The following PARD3B variants were observed in gnomAD, a reference collection of about 807,000 sequenced individuals.
PARD3B encodes the protein par-3 family cell polarity regulator beta, also known as partitioning defective 3 homolog B.
A neutral mutation model predicts 130.2 loss-of-function variants in PARD3B; 103 were observed. The observed-to-expected ratio is 0.79, with a 90% CI of 0.67 to 0.93. The LOEUF (loss-of-function observed/expected upper bound fraction) is 0.93, where lower values mean the gene tolerates loss of function less well. PARD3B is among the 40% of genes least tolerant of loss of function. The pLI is 0.00. For synonymous variants in PARD3B, 583 were observed against 553.2 expected (o/e 1.05, Z -0.76); for missense variants, 1,609 against 1,499.2 (o/e 1.07, Z -1.21).
intron 2 of PARD3B, among the ~76,000 whole-genome samples, chr2:204,765,168 A>G (rs1299717436): frequency 6.6e-6 from 1 of 152,224 alleles, no homozygotes; most frequent in East Asian, 1.9e-4. Context: ...CATTTGTTTC[A>G]CTGAGCAGAT....
intron 2 of PARD3B, among the ~76,000 whole-genome samples, chr2:204,960,468 T>C (rs528497399): frequency 7.2e-5 from 11 of 152,144 alleles, no homozygotes; most frequent in Non-Finnish European, 1.5e-4. Context: ...GGCCATAATT[T>C]CCAAAGCCAA....
intron 3 of PARD3B, among the ~76,000 whole-genome samples, chr2:205,025,187 C>A (rs765658968): frequency 6.6e-6 from 1 of 152,132 alleles, no homozygotes. Flanking sequence ...GTTCAGTCTG[C>A]GGCACTTAGA....
At chr2:205,445,584 C>G (rs1193975805) in intron 20 of PARD3B, among the ~76,000 whole-genome samples, 2 of 152,094 alleles carry the variant, frequency 1.3e-5, no homozygotes, top group African/African-American at 4.8e-5. Context: ...AAAAACAGTA[C>G]CAGTGGGGAA....
intron 2 of PARD3B, among the ~76,000 whole-genome samples, chr2:204,924,191 A>AT (rs1425302929): frequency 6.6e-6 from 1 of 151,974 alleles, no homozygotes; most frequent in Non-Finnish European, 1.5e-5. Context: ...ATAAACATTA[A>AT]TCTGCAGGGA....
chr2:205,473,474 A>G lies in PARD3B; in HGVS notation c.3045-26422A>G, dbSNP rs2048909721. Among the ~76,000 whole-genome samples, 1 of 151,990 alleles carries G rather than the reference A, an allele frequency of 6.6e-6. No individual in the cohort carries two copies. Among genetic ancestry groups the G allele is most frequent in the Non-Finnish European group, 1.5e-5 (1 of 67,970 alleles). On this transcript the variant is annotated intron_variant, in intron 20 of 22. Coordinates refer to ENST00000406610, the MANE Select transcript of PARD3B (RefSeq NM_001302769.2). This position sits in a 1 kb window ranked among gnomAD's most constrained non-coding sequence, Gnocchi z 4.9. ...TTAAGCTCCATTAAAGGGTTTTACA[A>G]TACCAAATTGTTTATACACTGCTGG...
chr2:204,925,709 A>G (rs892564483), intron 2 of PARD3B, among the ~76,000 whole-genome samples: 1 of 152,072 alleles, frequency 6.6e-6, no homozygotes, highest in South Asian at 2.1e-4. Context: ...ATTATTGACT[A>G]AGCTTAAGCC....
chr2:205,030,722 A>T (rs575738551), intron 3 of PARD3B, among the ~76,000 whole-genome samples: 3 of 152,258 alleles, frequency 2.0e-5, no homozygotes, highest in Admixed American at 6.6e-5. Flanking sequence ...TGAAATCTGT[A>T]TTCTGAACAT....
rs1292004993 is a variant in PARD3B at position 205,105,880 on chromosome 2, A to G, written c.593+1366A>G. On this transcript the variant is annotated intron_variant, in intron 5 of 22. Transcript: ENST00000406610. The surrounding 1 kb of genome is among the most constrained non-coding windows in gnomAD (Gnocchi z 4.0). ...AGATTATCTAATTATGTCTACCTCC[A>G]GAAACTAATAAGATTGTTTCTGGAG... is the stretch of plus-strand genomic sequence containing the variant. 6.6e-6 allele frequency among the ~76,000 whole-genome samples: 1 copy of G among 151,940 alleles called. No individual in the cohort carries two copies. The highest frequency in any genetic ancestry group is 1.5e-5 in the Non-Finnish European group (1 of 67,992).
intron 16 of PARD3B, among the ~76,000 whole-genome samples, chr2:205,271,615 A>T (rs927413185): frequency 1.3e-5 from 2 of 152,190 alleles, no homozygotes; most frequent in African/African-American, 4.8e-5. Flanking sequence ...TGAGCTTAGT[A>T]AGATGTAGTT....
At chr2:204,764,133 G>A (rs766737456) in intron 2 of PARD3B, among the ~76,000 whole-genome samples, 6 of 152,122 alleles carry the variant, frequency 3.9e-5, no homozygotes, top group Admixed American at 6.5e-5. Context: ...CAGAGAGAGG[G>A]CCCCAAAGAG....
At chr2:204,604,008 GGTGA>G (rs2033614822) in intron 1 of PARD3B, among the ~76,000 whole-genome samples, 1 of 152,088 alleles carries the variant, frequency 6.6e-6, no homozygotes, top group Non-Finnish European at 1.5e-5. Flanking sequence ...CTACCTGCTG[GGTGA>G]GTAATAAATA....
intron 2 of PARD3B, among the ~76,000 whole-genome samples, chr2:204,889,904 AAT>A (rs1280941441): frequency 6.6e-6 from 1 of 152,212 alleles, no homozygotes; most frequent in Admixed American, 6.5e-5. Flanking sequence ...CTGGTTTTCT[AAT>A]AGCTGTATTC....
intron 20 of PARD3B, among the ~76,000 whole-genome samples, chr2:205,482,163 C>T (rs1341692987): frequency 1.3e-5 from 2 of 152,010 alleles, no homozygotes; most frequent in Non-Finnish European, 2.9e-5. Context: ...AATAGTATCC[C>T]CAAGAGTGAA....
intron 1 of PARD3B, among the ~76,000 whole-genome samples, chr2:204,547,786 C>A (rs539078509): frequency 1.4e-4 from 22 of 152,206 alleles, no homozygotes; most frequent in South Asian, 2.1e-4. Flanking sequence ...AAACTACAAG[C>A]TTGTAAATAA....
Position 205,612,277 on chromosome 2 carries a change from C to T in PARD3B, c.3261-3179C>T, listed in dbSNP as rs536161234. Among the ~76,000 whole-genome samples the T allele has an allele frequency of 8.5e-5, 13 of 152,120 alleles. 1 individual carries two copies. In the South Asian group the frequency reaches 2.7e-3, roughly 32 times the overall value. ...AAGCAATTCTCCTGCCTTAGCCTCC[C>T]GAGTAGCTGGGATTATAGGCATGCA... On this transcript the variant is annotated intron_variant, in intron 22 of 22. Coordinates refer to ENST00000406610, the MANE Select transcript of PARD3B (RefSeq NM_001302769.2).
chr2:205,050,537 A>G (rs1420021386), intron 4 of PARD3B, among the ~76,000 whole-genome samples: 2 of 152,096 alleles, frequency 1.3e-5, no homozygotes, highest in Non-Finnish European at 2.9e-5. Context: ...TCTGATCCAA[A>G]TGTAAATGTA....
intron 1 of PARD3B, among the ~76,000 whole-genome samples, chr2:204,649,855 C>T (rs2035416866): frequency 1.3e-5 from 2 of 152,096 alleles, no homozygotes; most frequent in South Asian, 4.1e-4. Context: ...TAGGAATGGG[C>T]AAAGAGTTCA....
At chr2:204,922,896 C>G (rs905371567) in intron 2 of PARD3B, among the ~76,000 whole-genome samples, 2 of 152,034 alleles carry the variant, frequency 1.3e-5, no homozygotes, top group Admixed American at 6.6e-5. Flanking sequence ...GCAGCATTGA[C>G]TGAGTTCATA....
At chr2:205,600,418 C>T (rs1575457488) in intron 22 of PARD3B, among the ~76,000 whole-genome samples, 1 of 152,230 alleles carries the variant, frequency 6.6e-6, no homozygotes, top group East Asian at 1.9e-4. Context: ...CCACATCACC[C>T]CCATGTTCCT....
Sources: gnomAD v4.1 joint callset for allele counts (sites outside exome capture counted in the v4.1 genomes callset) on GRCh38, gnomAD v4.1.1 for gene constraint, Gnocchi (gnomAD v3.1) non-coding constraint, MANE v1.5 for transcripts, NCBI Gene and HGNC (gene_info 2026-07-23, HGNC 2026-07-21) for gene names.